STXBP6: variants seen among roughly 807,000 people sequenced by gnomAD.
STXBP6 encodes the protein syntaxin binding protein 6, also known as syntaxin-binding protein 6.
STXBP6 carries 21 observed loss-of-function variants against 26.9 expected under a neutral mutation model. The observed-to-expected ratio is 0.78, with a 90% CI of 0.55 to 1.12. STXBP6 has a LOEUF of 1.12. Ranked by LOEUF, STXBP6 falls within the 50% of genes most tolerant of loss-of-function variation. The probability of loss-of-function intolerance (pLI) is 0.00; values close to 1 mark genes in which losing one functional copy is unlikely to be tolerated. For missense variants in STXBP6, 232 were observed against 257.9 expected, an observed-to-expected ratio of 0.90 and a Z score of 0.69; for synonymous variants, 97 against 92.6, an observed-to-expected ratio of 1.05 and a Z score of -0.27.
chr14:24,818,051 T>G, intron 5 of STXBP6: 1 of 456,704 alleles, frequency 2.2e-6, no homozygotes, highest in Non-Finnish European at 4.4e-6. Context: ...CCATCCTTGT[T>G]TCCTCAGCAG....
chr14:24,865,543 T>G (rs2069687109), intron 2 of STXBP6, among the ~76,000 whole-genome samples: 1 of 152,172 alleles, frequency 6.6e-6, no homozygotes, highest in African/African-American at 2.4e-5. Context: ...ATCATATGTT[T>G]GTGAGGAAAC....
At chr14:24,849,665 G>A (rs1021239271) in intron 4 of STXBP6, among the ~76,000 whole-genome samples, 4 of 152,130 alleles carry the variant, frequency 2.6e-5, no homozygotes, top group African/African-American at 9.7e-5. Context: ...GAGGAACTAT[G>A]CCATGGATTC....
intron 2 of STXBP6, among the ~76,000 whole-genome samples, chr14:24,948,163 A>G (rs1000886420): frequency 3.9e-5 from 6 of 152,170 alleles, no homozygotes; most frequent in Non-Finnish European, 5.9e-5. Context: ...AGGGACTTGC[A>G]CTTTGAAATA....
At chr14:24,919,220 C>T (rs944175541) in intron 2 of STXBP6, among the ~76,000 whole-genome samples, 15 of 151,878 alleles carry the variant, frequency 9.9e-5, no homozygotes, top group African/African-American at 3.6e-4. Context: ...GCAATTTCTG[C>T]CTAAGATGCT....
intron 2 of STXBP6, among the ~76,000 whole-genome samples, chr14:24,864,139 T>A (rs1048443783): frequency 1.3e-5 from 2 of 152,134 alleles, no homozygotes; most frequent in African/African-American, 4.8e-5. Flanking sequence ...TCATTTTTGA[T>A]CCATTCTTAG....
intron 2 of STXBP6, among the ~76,000 whole-genome samples, chr14:24,907,160 A>G (rs540478927): frequency 3.9e-5 from 6 of 152,288 alleles, no homozygotes; most frequent in Admixed American, 1.3e-4. Context: ...TAGCTAGAAG[A>G]AAAAATTTGT....
intron 1 of STXBP6, among the ~76,000 whole-genome samples, chr14:25,017,124 TAAG>T (rs757977086): frequency 9.0e-4 from 137 of 152,316 alleles, no homozygotes; most frequent in Non-Finnish European, 1.7e-3. Context: ...GCGTGTGTAA[TAAG>T]AATTTTTTAT....
At chr14:24,897,424 A>AC (rs2071035725) in intron 2 of STXBP6, among the ~76,000 whole-genome samples, 3 of 96,588 alleles carry the variant, frequency 3.1e-5, no homozygotes, top group Non-Finnish European at 4.5e-5. Flanking sequence ...AAAAAAAAAA[A>AC]AAAGGAAAAA....
At chr14:24,946,293 A>T (rs2072988592) in intron 2 of STXBP6, among the ~76,000 whole-genome samples, 1 of 152,204 alleles carries the variant, frequency 6.6e-6, no homozygotes, top group Non-Finnish European at 1.5e-5. Flanking sequence ...AGCCCCTAAC[A>T]CTTATTGATC....
chr14:24,851,217 C>A (rs1343401457), intron 4 of STXBP6, among the ~76,000 whole-genome samples: 1 of 146,450 alleles, frequency 6.8e-6, no homozygotes, highest in Non-Finnish European at 1.5e-5. Flanking sequence ...TACTGACAAT[C>A]TATTTGAGGC....
intron 1 of STXBP6, among the ~76,000 whole-genome samples, chr14:24,984,222 C>T (rs2074275370): frequency 6.6e-6 from 1 of 152,100 alleles, no homozygotes; most frequent in African/African-American, 2.4e-5. Flanking sequence ...CAGAGTGAGA[C>T]TCTGTCTTAA....
At chr14:24,946,274 AC>A (rs1310262996) in intron 2 of STXBP6, among the ~76,000 whole-genome samples, 2 of 152,200 alleles carry the variant, frequency 1.3e-5, no homozygotes, top group African/African-American at 4.8e-5. Context: ...ATATAACAGT[AC>A]TAGAAATAGC....
chr14:24,826,865 T>G (rs1263248146), intron 4 of STXBP6, among the ~76,000 whole-genome samples: 1 of 152,226 alleles, frequency 6.6e-6, no homozygotes, highest in Non-Finnish European at 1.5e-5. Context: ...TTAATCTCTA[T>G]GAGCCTATGC....
At chr14:25,030,912 C>T (rs2075441394) in intron 1 of STXBP6, among the ~76,000 whole-genome samples, 1 of 151,382 alleles carries the variant, frequency 6.6e-6, no homozygotes, top group South Asian at 2.1e-4. Flanking sequence ...CCTTCACAAA[C>T]TCAGAATGAA....
intron 1 of STXBP6, among the ~76,000 whole-genome samples, chr14:25,037,644 G>C (rs1226079744): frequency 6.6e-6 from 1 of 152,190 alleles, no homozygotes; most frequent in Non-Finnish European, 1.5e-5. Context: ...GCTCTGAGAA[G>C]TCTTGCTATT....
At chr14:24,937,791 T>C (rs1022988978) in intron 2 of STXBP6, among the ~76,000 whole-genome samples, 1 of 152,240 alleles carries the variant, frequency 6.6e-6, no homozygotes, top group Non-Finnish European at 1.5e-5. Context: ...TTAAGCTTAA[T>C]TGTCCATGTG....
intron 2 of STXBP6, among the ~76,000 whole-genome samples, chr14:24,857,967 G>T (rs961240490): frequency 1.3e-5 from 2 of 151,818 alleles, no homozygotes; most frequent in African/African-American, 4.8e-5. Flanking sequence ...GTCTTTAAAG[G>T]GATTTCCTAA....
intron 2 of STXBP6, among the ~76,000 whole-genome samples, chr14:24,949,051 G>C (rs944617648): frequency 1.3e-5 from 2 of 152,044 alleles, no homozygotes; most frequent in Admixed American, 6.6e-5. Context: ...GGAAAGATAA[G>C]GAAAGAACTA....
rs544858384 is a variant in STXBP6, at chr14:24,829,388, A to C, written c.452-10194T>G. The stretch of plus-strand genomic sequence containing the variant: ...AACTGTTTCATAAACAATGTTTATA[A>C]AAGTTTAAGAAAATTTGACTTTTCA... On this transcript the variant is annotated intron_variant, in intron 4 of 5. Transcript: ENST00000323944. Among the ~76,000 whole-genome samples the C allele has an allele frequency of 3.1e-4, 47 of 152,338 alleles. 1 individual carries two copies. In the South Asian group the frequency reaches 8.7e-3, roughly 28 times the overall value.
Sources: allele counts gnomAD v4.1 joint callset (sites outside exome capture counted in the v4.1 genomes callset), GRCh38; gene constraint gnomAD v4.1.1; transcripts MANE v1.5; gene names NCBI Gene and HGNC (gene_info 2026-07-23, HGNC 2026-07-21).